The following NEXMIF variants were observed in gnomAD, a reference collection of about 807,000 sequenced individuals.
The protein encoded by NEXMIF is neurite extension and migration factor, also known as XLMR protein related to neurite extension.
Under a neutral mutation model 62.1 loss-of-function variants are expected in NEXMIF, and 8 were observed. The ratio of observed to expected loss-of-function variants is 0.13; its 90% CI spans 0.08 to 0.23. The LOEUF (loss-of-function observed/expected upper bound fraction) is 0.23, where lower values mean the gene tolerates loss of function less well. Among genes scored for constraint, NEXMIF ranks in the 10% least tolerant of loss-of-function variants. The pLI is 1.00. For missense variants in NEXMIF, 976 were observed against 1,113.3 expected, an observed-to-expected ratio of 0.88 and a Z score of 1.75; for synonymous variants, 404 against 416.6, an observed-to-expected ratio of 0.97 and a Z score of 0.37.
intron 1 of NEXMIF, among the ~76,000 whole-genome samples, chrX:74,890,735 C>T (rs958551916): frequency 7.2e-5 from 8 of 111,286 alleles, no homozygotes; most frequent in Admixed American, 6.7e-4. Flanking sequence ...AGGGACAATG[C>T]CTAAATACTG....
At chrX:74,866,146 T>C (rs1268734644) in intron 1 of NEXMIF, among the ~76,000 whole-genome samples, 2 of 111,796 alleles carry the variant, frequency 1.8e-5, no homozygotes, top group Non-Finnish European at 3.8e-5. Flanking sequence ...GAGGGGGCTA[T>C]ATGCTTCCAA....
intron 1 of NEXMIF, among the ~76,000 whole-genome samples, chrX:74,765,460 T>C (rs2080191886): frequency 1.8e-5 from 2 of 112,033 alleles, no homozygotes; most frequent in Non-Finnish European, 1.9e-5. Flanking sequence ...GATTTGATCC[T>C]GTCATTATGT....
intron 1 of NEXMIF, among the ~76,000 whole-genome samples, chrX:74,758,292 G>A (rs1427965986): frequency 9.0e-6 from 1 of 111,475 alleles, no homozygotes; most frequent in Admixed American, 9.6e-5. Context: ...GAAACATGAT[G>A]TCATTAAGAT....
chrX:74,803,772 A>C (rs57086671), intron 1 of NEXMIF, among the ~76,000 whole-genome samples: 1,105 of 110,117 alleles, frequency 0.01, 14 homozygotes, highest in African/African-American at 0.035. Context: ...GGAAAAAAAA[A>C]ACACACACAC....
intron 1 of NEXMIF, among the ~76,000 whole-genome samples, chrX:74,914,614 G>A (rs1287134261): frequency 8.9e-6 from 1 of 111,965 alleles, no homozygotes; most frequent in African/African-American, 3.2e-5. Flanking sequence ...CTGGGAGGTG[G>A]AGATTGCAGT....
At chrX:74,782,185 T>G (rs961921545) in intron 1 of NEXMIF, among the ~76,000 whole-genome samples, 1 of 111,299 alleles carries the variant, frequency 9.0e-6, no homozygotes, top group African/African-American at 3.3e-5. Flanking sequence ...ACTTTAAACT[T>G]CTCTGAGTTA....
chrX:74,884,820 C>T (rs1428334986), intron 1 of NEXMIF, among the ~76,000 whole-genome samples: 6 of 111,692 alleles, frequency 5.4e-5, no homozygotes, highest in Non-Finnish European at 1.1e-4. Context: ...CAGAATTCCC[C>T]ACCCCAAATC....
chrX:74,804,950 G>A lies in NEXMIF; in HGVS notation c.-47-59253C>T, dbSNP rs140638082. On this transcript the variant is annotated intron_variant, in intron 1 of 3. Transcript: ENST00000055682. ...AGATGTGCGATTCCCCTCTCACTAG[G>A]ATTAATTTAAATACTCCCTCTGTGG... 3.7e-4 allele frequency among the ~76,000 whole-genome samples: 41 copies of A among 111,950 alleles called. 1 individual carries two copies. The Admixed American group carries it at 3.7e-3, about 10-fold the overall frequency.
intron 1 of NEXMIF, among the ~76,000 whole-genome samples, chrX:74,796,251 T>TACAC (rs1569345310): frequency 6.2e-4 from 33 of 53,003 alleles, no homozygotes; most frequent in Non-Finnish European, 1.0e-3. Flanking sequence ...TATACACATA[T>TACAC]ATATTATATA....
chrX:74,765,146 C>A (rs1158219651), intron 1 of NEXMIF, among the ~76,000 whole-genome samples: 1 of 111,709 alleles, frequency 9.0e-6, no homozygotes, highest in African/African-American at 3.3e-5. Context: ...GTTAGGACTT[C>A]TCGTTCAATT....
At chrX:74,815,363 G>A (rs779453684) in intron 1 of NEXMIF, among the ~76,000 whole-genome samples, 1 of 111,294 alleles carries the variant, frequency 9.0e-6, no homozygotes, top group Non-Finnish European at 1.9e-5. Context: ...CAGCTACCAA[G>A]TCTTATCTCT....
intron 1 of NEXMIF, among the ~76,000 whole-genome samples, chrX:74,787,000 C>A (rs1369654119): frequency 9.2e-6 from 1 of 108,364 alleles, no homozygotes; most frequent in African/African-American, 3.4e-5. Flanking sequence ...GTGGCTCACG[C>A]CTGTAATCCC....
chrX:74,745,478 C>A, intron 2 of NEXMIF, 94 bp downstream of exon 2: 1 of 605,707 alleles, frequency 1.7e-6, no homozygotes, highest in South Asian at 2.6e-5. Context: ...ATCCTGGACT[C>A]AACCTGTCCC....
At chrX:74,785,611 T>G (rs2080258267) in intron 1 of NEXMIF, among the ~76,000 whole-genome samples, 1 of 112,536 alleles carries the variant, frequency 8.9e-6, no homozygotes, top group Admixed American at 9.4e-5. Flanking sequence ...AATTACACTT[T>G]AAAGAATGAT....
chrX:74,769,334 A>T (rs1297117854), intron 1 of NEXMIF, among the ~76,000 whole-genome samples: 1 of 111,852 alleles, frequency 8.9e-6, no homozygotes, highest in Non-Finnish European at 1.9e-5. Context: ...TCTGGATTTT[A>T]TTGCCTGCTG....
chrX:74,883,778 T>C (rs891399920), intron 1 of NEXMIF, among the ~76,000 whole-genome samples: 10 of 110,764 alleles, frequency 9.0e-5, no homozygotes, highest in African/African-American at 3.0e-4. Flanking sequence ...AACATTCAAA[T>C]ACAGGAAATA....
chrX:74,906,077 C>T (rs2080768061), intron 1 of NEXMIF, among the ~76,000 whole-genome samples: 1 of 109,441 alleles, frequency 9.1e-6, no homozygotes, highest in East Asian at 2.9e-4. Flanking sequence ...TAAGACCAGC[C>T]TGGGCAAGAT....
intron 1 of NEXMIF, among the ~76,000 whole-genome samples, chrX:74,801,376 T>C (rs904371383): frequency 9.0e-6 from 1 of 111,704 alleles, no homozygotes; most frequent in African/African-American, 3.3e-5. Context: ...ATGATAAGCT[T>C]TGTAAGAAAC....
intron 2 of NEXMIF, 34 bp downstream of exon 2, chrX:74,745,538 G>C: frequency 5.1e-6 from 5 of 979,082 alleles, no homozygotes; most frequent in Non-Finnish European, 7.3e-6. Flanking sequence ...ACTACCAGGA[G>C]AGATATTAAT....
Sources: gnomAD v4.1 joint callset for allele counts (sites outside exome capture counted in the v4.1 genomes callset) on GRCh38, gnomAD v4.1.1 for gene constraint, MANE v1.5 for transcripts, NCBI Gene and HGNC (gene_info 2026-07-23, HGNC 2026-07-21) for gene names.